The following BTBD2 variants were observed in gnomAD, a reference collection of about 807,000 sequenced individuals.
The protein encoded by BTBD2 is BTB/POZ domain-containing protein 2.
Under a neutral mutation model 44.0 loss-of-function variants are expected in BTBD2, and 15 were observed. That is an observed-to-expected ratio of 0.34 (90% CI 0.23 to 0.53). The LOEUF (loss-of-function observed/expected upper bound fraction) is 0.53, where lower values mean the gene tolerates loss of function less well. Among genes scored for constraint, BTBD2 ranks in the 20% least tolerant of loss-of-function variants. The probability of loss-of-function intolerance (pLI) is 0.95; values close to 1 mark genes in which losing one functional copy is unlikely to be tolerated. For missense variants in BTBD2, 657 were observed against 746.4 expected, an observed-to-expected ratio of 0.88 and a Z score of 1.39; for synonymous variants, 443 against 335.9, an observed-to-expected ratio of 1.32 and a Z score of -3.49.
intron 6 of BTBD2, 41 bp downstream of exon 6, chr19:1,987,459 C>T: frequency 1.3e-6 from 2 of 1,484,140 alleles, no homozygotes; most frequent in Non-Finnish European, 9.1e-7. Context: ...GAGTCCTCCA[C>T]CCCCATGTCC....
intron 5 of BTBD2, chr19:1,988,588 G>GACA (rs2016127430): frequency 6.7e-6 from 1 of 150,236 alleles, no homozygotes; most frequent in African/African-American, 2.4e-5. Context: ...TTTTTGAGAC[G>GACA]GAGTTTCGCT....
chr19:1,993,320 G>T lies in BTBD2; in HGVS notation c.528-144C>A, dbSNP rs566694120. The T allele has an allele frequency of 2.9e-5, 36 of 1,238,960 alleles. 1 individual carries two copies. The East Asian group carries it at 9.7e-4, about 33-fold the overall frequency. 76.7% of individuals were successfully genotyped at this position (1,238,960 alleles called of 1,614,324 possible). On this transcript the variant is annotated intron_variant, in intron 2 of 8. Coordinates refer to ENST00000255608, the MANE Select transcript of BTBD2 (RefSeq NM_017797.4). ...CAAACACCCACATCAGGTTCCCCGA[G>T]GAACCTTCCAGAATTAGCCCCTGTC... is the stretch of plus-strand genomic sequence containing the variant.
intron 3 of BTBD2, 27 bp downstream of exon 3, chr19:1,992,993 C>T (rs2016201406): frequency 2.0e-6 from 3 of 1,515,594 alleles, no homozygotes; most frequent in African/African-American, 2.8e-5. Context: ...CCTGGCCCCG[C>T]CCCCGCCTCG....
At chr19:1,996,545 CAAAAAAA>C (rs111933486) in intron 2 of BTBD2, among the ~76,000 whole-genome samples, 2 of 99,324 alleles carry the variant, frequency 2.0e-5, no homozygotes, top group African/African-American at 3.7e-5. Context: ...GCAAAACTGT[CAAAAAAA>C]AAAAAAAAAA....
chr19:2,009,449 C>T (rs1218856034), intron 1 of BTBD2, among the ~76,000 whole-genome samples: 2 of 151,994 alleles, frequency 1.3e-5, no homozygotes, highest in Admixed American at 6.6e-5. Context: ...CCGCCTGACT[C>T]GGCCTCCCAA....
rs751363183 is a variant in BTBD2, at chr19:1,987,216, C to T, written c.1219G>A (p.Gly407Arg). Residue 407 changes from glycine (G) to arginine (R), a missense_variant, in exon 7 of 9, where the codon GGG becomes AGG. Gly to Arg is a moderately radical substitution (Grantham distance 125). Transcript: ENST00000255608. ...GGCCCGTGGATGGATCCATACAGCC[C>T]AAATCCCACCACGAAGATGCGCTTG... ...VNKRIFVVGF[G>R]LYGSIHGPTD... 1 of 1,613,806 alleles carries T rather than the reference C, an allele frequency of 6.2e-7. No homozygotes were observed. The highest frequency in any genetic ancestry group is 8.5e-7 in the Non-Finnish European group (1 of 1,179,856).
intron 5 of BTBD2, 58 bp downstream of exon 5, chr19:1,989,946 A>C: frequency 6.3e-7 from 1 of 1,583,096 alleles, no homozygotes. Flanking sequence ...CGGTACCCAG[A>C]TGCCCACCTG....
At chr19:1,996,565 AG>A (rs2016254375) in intron 2 of BTBD2, among the ~76,000 whole-genome samples, 1 of 145,152 alleles carries the variant, frequency 6.9e-6, no homozygotes, top group Admixed American at 6.9e-5. Context: ...AAAAAAAAGA[AG>A]GAAAGAAAAG....
chr19:2,007,563 C>CGGTA (rs1400396055), intron 1 of BTBD2, among the ~76,000 whole-genome samples: 1 of 152,124 alleles, frequency 6.6e-6, no homozygotes, highest in African/African-American at 2.4e-5. Flanking sequence ...AGGCCAGGGA[C>CGGTA]GGTAGCTCAC....
In BTBD2 at chr19:2,015,520, G is replaced by C; in HGVS notation, c.184C>G (p.Pro62Ala). Residue 62 changes from proline (P) to alanine (A), a missense_variant, in exon 1 of 9, where the codon CCG becomes GCG. By Grantham distance (27) the Pro-to-Ala change is conservative (BLOSUM62 -1). Coordinates refer to ENST00000255608, the MANE Select transcript of BTBD2 (RefSeq NM_017797.4). ...TGCGCGTCTGTCCCGGGGCCCGGCG[G>C]GGCGGGCGGCGTCGGCCCAGGGGCG... ...AAAPGPTPPA[P>A]PGPGTDAQAA... 1.0e-6 allele frequency: 1 copy of C among 973,910 alleles called. No individual in the cohort carries two copies. The highest frequency in any genetic ancestry group is 1.2e-6 in the Non-Finnish European group (1 of 827,058). 60.3% of individuals were successfully genotyped at this position (973,910 alleles called of 1,614,324 possible).
intron 1 of BTBD2, among the ~76,000 whole-genome samples, chr19:2,007,243 G>A (rs113625895): frequency 0.013 from 2,021 of 152,184 alleles, 38 homozygotes; most frequent in African/African-American, 0.045. Context: ...CTCCTGCCTC[G>A]GCCTCCGAAA....
chr19:1,988,766 G>A (rs1157195175), intron 5 of BTBD2, among the ~76,000 whole-genome samples: 1 of 152,052 alleles, frequency 6.6e-6, no homozygotes, highest in Non-Finnish European at 1.5e-5. Flanking sequence ...ACCATGCCCA[G>A]CTAATCTTGT....
At chr19:1,999,828 GGTGGGT>G in intron 1 of BTBD2, among the ~76,000 whole-genome samples, 1 of 151,994 alleles carries the variant, frequency 6.6e-6, no homozygotes, top group South Asian at 2.1e-4. Flanking sequence ...TGGGCGTGGT[GGTGGGT>G]GCCTGTAATC....
intron 1 of BTBD2, among the ~76,000 whole-genome samples, chr19:2,007,560 G>C (rs1005755222): frequency 5.3e-5 from 8 of 152,110 alleles, no homozygotes; most frequent in African/African-American, 1.7e-4. Flanking sequence ...CTTAGGCCAG[G>C]GACGGTAGCT....
In BTBD2 at chr19:1,987,568, C is replaced by G; in HGVS notation, c.1113G>C (p.Glu371Asp). ...CCTGCTGGAAGCGGTTGATGCTGCA[C>G]TCCTTCCCACGCAGGCAGCAGCGGG... ...DRPRCCLRGK[E>D]CSINRFQQVE... Residue 371 changes from glutamate to aspartate, a missense_variant, in exon 6 of 9, where the codon GAG becomes GAC. Physicochemically the swap from Glu to Asp is conservative, Grantham distance 45. This residue lies in a region of BTBD2 where 449 missense variants were observed against 510.9 expected (regional missense o/e 0.88). Coordinates refer to ENST00000255608, the MANE Select transcript of BTBD2 (RefSeq NM_017797.4). 6.2e-7 allele frequency: 1 copy of G among 1,612,302 alleles called. No individual in the cohort carries two copies. Among genetic ancestry groups the G allele is most frequent in the South Asian group, 1.1e-5 (1 of 90,868 alleles).
At chr19:1,992,920 C>G in intron 3 of BTBD2, 100 bp downstream of exon 3, 1 of 966,920 alleles carries the variant, frequency 1.0e-6, no homozygotes. Flanking sequence ...CCCGGGCCCG[C>G]CCCCGGCCCC....
intron 1 of BTBD2, among the ~76,000 whole-genome samples, chr19:2,006,490 G>A (rs2016395685): frequency 6.9e-6 from 1 of 144,682 alleles, no homozygotes; most frequent in African/African-American, 2.7e-5. Flanking sequence ...CTGGGCGACA[G>A]AGCGAGACTC....
At chr19:2,001,206 AC>A (rs977592582) in intron 1 of BTBD2, among the ~76,000 whole-genome samples, 11 of 151,262 alleles carry the variant, frequency 7.3e-5, no homozygotes, top group African/African-American at 2.7e-4. Context: ...ATCACTTAGA[AC>A]CCAGGAGGCA....
At chr19:1,996,665 C>T (rs2016255567) in intron 2 of BTBD2, among the ~76,000 whole-genome samples, 1 of 149,896 alleles carries the variant, frequency 6.7e-6, no homozygotes, top group South Asian at 2.1e-4. Context: ...AGGCGGATCA[C>T]CTGAGGCCAG....
Sources: gnomAD v4.1 joint callset for allele counts (sites outside exome capture counted in the v4.1 genomes callset) on GRCh38, gnomAD v4.1.1 for gene constraint, gnomAD v4.1.1 regional missense constraint, MANE v1.5 for transcripts, NCBI Gene and HGNC (gene_info 2026-07-23, HGNC 2026-07-21) for gene names.